SEMA6D: variants seen among roughly 807,000 people sequenced by gnomAD.
SEMA6D encodes the protein semaphorin-6D.
Under a neutral mutation model 106.6 loss-of-function variants are expected in SEMA6D, and 35 were observed. The observed-to-expected ratio is 0.33, with a 90% CI of 0.25 to 0.44. The LOEUF is 0.44. Among genes scored for constraint, SEMA6D ranks in the 20% least tolerant of loss-of-function variants. The pLI is 1.00. For synonymous variants in SEMA6D, 499 were observed against 487.7 expected (o/e 1.02, Z -0.31); for missense variants, 1,185 against 1,345.9 (o/e 0.88, Z 1.87).
chr15:47,620,662 G>T (rs866374675), intron 4 of SEMA6D, among the ~76,000 whole-genome samples: 1 of 151,678 alleles, frequency 6.6e-6, no homozygotes, highest in Non-Finnish European at 1.5e-5. Flanking sequence ...GGAAGTGGTC[G>T]TTGTGGCTGA....
At chr15:47,714,012 C>T (rs1206334251), upstream of SEMA6D, among the ~76,000 whole-genome samples, 2 of 152,186 alleles carry the variant, frequency 1.3e-5, no homozygotes, top group Non-Finnish European at 1.5e-5. Context: ...AAACACTTTA[C>T]ATGCATTACC....
chr15:47,312,612 G>A (rs546562372), intron 1 of SEMA6D, among the ~76,000 whole-genome samples: 7 of 152,168 alleles, frequency 4.6e-5, no homozygotes, highest in Middle Eastern at 3.4e-3. Context: ...TTAGATCAGC[G>A]CTATCCAACA....
intron 2 of SEMA6D, among the ~76,000 whole-genome samples, chr15:47,444,846 T>C (rs281243): frequency 0.79 from 120,578 of 151,974 alleles, 48,887 homozygotes; most frequent in East Asian, 0.97. Flanking sequence ...CATCCGCAGA[T>C]AGCTTAAAGT....
chr15:47,771,782 C>G lies in SEMA6D; in HGVS notation c.3219C>G (p.Tyr1073Ter). 1 of 1,611,372 alleles carries G rather than the reference C, an allele frequency of 6.2e-7. No individual in the cohort carries two copies. Among genetic ancestry groups the G allele is most frequent in the Non-Finnish European group, 8.5e-7 (1 of 1,178,568 alleles). ...PSVRPLNKYT[Y>*] The stretch of plus-strand genomic sequence containing the variant: ...TCAGACCACTGAACAAATACACATA[C>G]TAGGCCTCAAGTGTGCTATTCCCAT... Residue 1073 changes from tyrosine to a stop codon, truncating the protein, a stop_gained, in exon 19 of 19, where the codon TAC becomes TAG. Transcript: ENST00000536845. LOFTEE classifies it high-confidence loss of function.
intron 3 of SEMA6D, among the ~76,000 whole-genome samples, chr15:47,586,312 A>C (rs2076338608): frequency 6.6e-6 from 1 of 152,240 alleles, no homozygotes; most frequent in African/African-American, 2.4e-5. Context: ...CTATTAGAAG[A>C]TGAGAGCCAG....
intron 1 of SEMA6D, among the ~76,000 whole-genome samples, chr15:47,409,129 A>G (rs2040697900): frequency 6.6e-6 from 1 of 152,246 alleles, no homozygotes; most frequent in Non-Finnish European, 1.5e-5. Flanking sequence ...AAGACACCTC[A>G]GAGCACTTTT....
chr15:47,305,086 G>A (rs1046741638), intron 1 of SEMA6D, among the ~76,000 whole-genome samples: 3 of 152,140 alleles, frequency 2.0e-5, no homozygotes, highest in Admixed American at 6.5e-5. Context: ...TATTAAAAAC[G>A]TAAGTTCACG....
intron 2 of SEMA6D, among the ~76,000 whole-genome samples, chr15:47,452,555 C>A (rs2042225830): frequency 1.3e-5 from 2 of 151,854 alleles, no homozygotes; most frequent in South Asian, 2.1e-4. Context: ...TAAAACCTTT[C>A]TTTTATCATA....
chr15:47,287,113 A>G (rs1251179189), intron 1 of SEMA6D, among the ~76,000 whole-genome samples: 2 of 152,120 alleles, frequency 1.3e-5, no homozygotes, highest in African/African-American at 4.8e-5. Context: ...TAGGCAATGA[A>G]AACTCATATG....
chr15:47,365,785 C>T (rs559222200), intron 1 of SEMA6D, among the ~76,000 whole-genome samples: 9 of 151,512 alleles, frequency 5.9e-5, no homozygotes, highest in Non-Finnish European at 1.2e-4. Flanking sequence ...TGTGTGAACC[C>T]GGGAGGCAGA....
chr15:47,377,408 C>T (rs1288427846), intron 1 of SEMA6D, among the ~76,000 whole-genome samples: 3 of 152,126 alleles, frequency 2.0e-5, no homozygotes, highest in Non-Finnish European at 2.9e-5. Flanking sequence ...GTAAGCACCT[C>T]CTGAGCTACA....
chr15:47,657,116 A>C (rs1164435006), intron 4 of SEMA6D, among the ~76,000 whole-genome samples: 2 of 152,278 alleles, frequency 1.3e-5, no homozygotes, highest in Non-Finnish European at 2.9e-5. Context: ...GAAATTGTAC[A>C]GTTTGATTCA....
At chr15:47,611,290 A>G (rs905504894) in intron 4 of SEMA6D, among the ~76,000 whole-genome samples, 1 of 152,208 alleles carries the variant, frequency 6.6e-6, no homozygotes, top group Non-Finnish European at 1.5e-5. Flanking sequence ...CAGCTGCAAG[A>G]TACCTTGCCT....
chr15:47,276,142 T>TGA (rs2034801713), intron 1 of SEMA6D, among the ~76,000 whole-genome samples: 7 of 152,092 alleles, frequency 4.6e-5, no homozygotes, highest in African/African-American at 1.2e-4. Context: ...GGTTGGCTCA[T>TGA]GAGTATTAAA....
chr15:47,570,358 G>A (rs932855345), intron 3 of SEMA6D, among the ~76,000 whole-genome samples: 1 of 152,132 alleles, frequency 6.6e-6, no homozygotes, highest in Non-Finnish European at 1.5e-5. Flanking sequence ...GCTTTTTGTT[G>A]TAAATCTTAT....
At position 47,725,114 on chromosome 15, in the gene SEMA6D, A is replaced by G. The variant is rs568773881; in HGVS notation, c.-55+7422A>G. Among the ~76,000 whole-genome samples the G allele has an allele frequency of 2.0e-5, 3 of 152,310 alleles. No homozygotes were observed. The South Asian group carries it at 6.2e-4, about 32-fold the overall frequency. The stretch of plus-strand genomic sequence containing the variant: ...TATGAGGATTTTTGGAGGGGAGAGA[A>G]GGGAATGTGAAGATAGGAAGTGGAA... On this transcript the variant is annotated intron_variant, in intron 1 of 18. Coordinates refer to ENST00000536845, the MANE Select transcript of SEMA6D (RefSeq NM_001358351.3).
chr15:47,573,094 TGTAAGA>T, intron 3 of SEMA6D, among the ~76,000 whole-genome samples: 1 of 151,956 alleles, frequency 6.6e-6, no homozygotes, highest in Non-Finnish European at 1.5e-5. Context: ...GAAATAAAAG[TGTAAGA>T]CTAGGTATCT....
chr15:47,589,605 C>T (rs2076403198), intron 3 of SEMA6D, among the ~76,000 whole-genome samples: 1 of 152,226 alleles, frequency 6.6e-6, no homozygotes, highest in African/African-American at 2.4e-5. Context: ...TCATGTCCAC[C>T]TTCTTTGCTT....
intron 3 of SEMA6D, among the ~76,000 whole-genome samples, chr15:47,524,134 G>A (rs955237689): frequency 2.6e-5 from 4 of 152,182 alleles, no homozygotes; most frequent in Non-Finnish European, 4.4e-5. Context: ...ACTGGCTTCA[G>A]TGTATAATTT....
Sources: gnomAD v4.1 joint callset for allele counts (sites outside exome capture counted in the v4.1 genomes callset) on GRCh38, gnomAD v4.1.1 for gene constraint, MANE v1.5 for transcripts, NCBI Gene and HGNC (gene_info 2026-07-23, HGNC 2026-07-21) for gene names.